Variants in KPNA1 observed in about 807,000 individuals in gnomAD.
The protein encoded by KPNA1 is karyopherin subunit alpha 1, also known as importin subunit alpha-5.
In KPNA1, 10 loss-of-function variants were observed where a neutral mutation model predicts 70.5. The ratio of observed to expected loss-of-function variants is 0.14; its 90% CI spans 0.09 to 0.24. The LOEUF (loss-of-function observed/expected upper bound fraction) is 0.24, where lower values mean the gene tolerates loss of function less well. Among genes scored for constraint, KPNA1 ranks in the 10% least tolerant of loss-of-function variants. The pLI is 1.00. For missense variants in KPNA1, 397 were observed against 637.9 expected, an observed-to-expected ratio of 0.62 and a Z score of 4.07; for synonymous variants, 192 against 221.9, an observed-to-expected ratio of 0.87 and a Z score of 1.20.
rs200913665 is a variant in KPNA1 at position 122,486,593 on chromosome 3, C to CTT, written c.129+9842_129+9843dup. Among the ~76,000 whole-genome samples the CTT allele has an allele frequency of 8.8e-5, 13 of 147,058 alleles. No individual in the cohort carries two copies. In the East Asian group the frequency reaches 9.9e-4, roughly 11 times the overall value. The stretch of plus-strand genomic sequence containing the variant: ...GTATCTATGTTAAAGTCTGTGCATT[C>CTT]TTTTTTTTTTTTGAGACGGAGTCTC... On this transcript the variant is annotated intron_variant, in intron 2 of 13. Transcript: ENST00000344337.
At chr3:122,487,748 C>T (rs755771053) in intron 2 of KPNA1, among the ~76,000 whole-genome samples, 6 of 151,976 alleles carry the variant, frequency 3.9e-5, no homozygotes, top group Non-Finnish European at 8.8e-5. Flanking sequence ...TTATCAGAAG[C>T]TGGGAAAGGA....
rs746838195 is a variant in KPNA1, at chr3:122,461,193, T to C, written c.432+31A>G. On this transcript the variant is annotated intron_variant, in intron 5 of 13. Coordinates refer to ENST00000344337, the MANE Select transcript of KPNA1 (RefSeq NM_002264.4). Reference sequence around the variant, plus strand: ...ATAAAAATTTTCAAAAGGAATTAAGTTATGAGGCAATAAATAAAAATTATT... The same window carrying C: ...ATAAAAATTTTCAAAAGGAATTAAGCTATGAGGCAATAAATAAAAATTATT... The C allele has an allele frequency of 2.2e-6, 3 of 1,369,196 alleles. No individual in the cohort carries two copies. In the South Asian group the frequency reaches 3.8e-5, roughly 17 times the overall value. The allele number at this position is 1,369,196 out of a possible 1,614,324, so 84.8% of individuals were successfully genotyped here. A position where few individuals can be genotyped will look rare whatever the true frequency, so the allele number is the denominator to read the frequency against.
chr3:122,504,978 C>G (rs73190173), intron 1 of KPNA1, among the ~76,000 whole-genome samples: 33,925 of 151,534 alleles, frequency 0.22, 4,207 homozygotes, highest in Non-Finnish European at 0.27. Flanking sequence ...CTGAAGCAGA[C>G]AGACACCTCT....
At chr3:122,457,832 G>A (rs2107741838) in intron 5 of KPNA1, 1 of 1,289,672 alleles carries the variant, frequency 7.8e-7, no homozygotes, top group Non-Finnish European at 1.0e-6. Flanking sequence ...CTGGTTCCTA[G>A]CAAATGCCAG....
chr3:122,477,913 C>T (rs555526906), intron 2 of KPNA1, among the ~76,000 whole-genome samples: 28 of 150,586 alleles, frequency 1.9e-4, no homozygotes, highest in Admixed American at 8.6e-4. Context: ...CCTGAAATCC[C>T]AGCACTTTGG....
chr3:122,489,049 T>C (rs185035853), intron 2 of KPNA1, among the ~76,000 whole-genome samples: 1,494 of 124,548 alleles, frequency 0.012, 23 homozygotes, highest in Non-Finnish European at 0.013. Context: ...TGTGGGTTTT[T>C]TTGCGTGCGT....
At chr3:122,509,054 T>C (rs1039744009) in intron 1 of KPNA1, among the ~76,000 whole-genome samples, 1 of 152,130 alleles carries the variant, frequency 6.6e-6, no homozygotes, top group Non-Finnish European at 1.5e-5. Flanking sequence ...AAGACCAGCC[T>C]GGCCAACATG....
intron 2 of KPNA1, among the ~76,000 whole-genome samples, chr3:122,480,356 G>A (rs776816489): frequency 2.0e-5 from 3 of 152,020 alleles, no homozygotes; most frequent in African/African-American, 7.2e-5. Flanking sequence ...TGACAATGCC[G>A]GAGGCTATGC....
intron 1 of KPNA1, among the ~76,000 whole-genome samples, chr3:122,500,270 C>T (rs896923700): frequency 2.6e-5 from 4 of 151,808 alleles, no homozygotes; most frequent in African/African-American, 4.8e-5. Context: ...TATAGGCATG[C>T]ACCACCACGC....
At chr3:122,469,196 A>G (rs1202206494) in intron 2 of KPNA1, among the ~76,000 whole-genome samples, 1 of 152,182 alleles carries the variant, frequency 6.6e-6, no homozygotes, top group Non-Finnish European at 1.5e-5. Flanking sequence ...AAAGGCTGGA[A>G]TCTAACAAAA....
Position 122,449,599 on chromosome 3 carries a change from A to G in KPNA1, c.892T>C (p.Cys298Arg). The change falls in exon 9 of 14, where the codon TGT becomes CGT. Residue 298 changes from cysteine to arginine, a missense_variant. Transcript: ENST00000344337. ...ATCAGCAGTTCCACAAGTCTCCTAC[A>G]TACTCCCGCATCGATGACCGCTTGA... The part of the protein sequence containing the change: ...KIQAVIDAGV[C>R]RRLVELLMHN... 6.2e-7 allele frequency: 1 copy of G among 1,613,572 alleles called. No individual in the cohort carries two copies. The highest frequency in any genetic ancestry group is 8.5e-7 in the Non-Finnish European group (1 of 1,179,790).
intron 4 of KPNA1, among the ~76,000 whole-genome samples, chr3:122,463,118 G>A (rs1224777931): frequency 3.3e-5 from 5 of 152,118 alleles, no homozygotes; most frequent in South Asian, 2.1e-4. Flanking sequence ...TTGGGAGGCC[G>A]AGGCAGGAGG....
At position 122,473,387 on chromosome 3, in the gene KPNA1, A is replaced by C. The variant is rs751900801; in HGVS notation, c.130-5958T>G. 6.3e-4 allele frequency among the ~76,000 whole-genome samples: 96 copies of C among 152,252 alleles called. 1 individual carries two copies. The highest frequency in any genetic ancestry group is 3.2e-3 in the Middle Eastern group (1 of 316). ...CCTAACTCATTCAGTAGAGGCCAAC[A>C]TCAGAGTATTCCAAAACTTGACAAA... On this transcript the variant is annotated intron_variant, in intron 2 of 13. Coordinates refer to ENST00000344337, the MANE Select transcript of KPNA1 (RefSeq NM_002264.4).
intron 2 of KPNA1, among the ~76,000 whole-genome samples, chr3:122,478,577 C>T (rs952415767): frequency 3.3e-5 from 5 of 151,958 alleles, no homozygotes; most frequent in African/African-American, 1.2e-4. Flanking sequence ...CAAAAATTAG[C>T]TGGACATGTT....
chr3:122,478,527 G>C (rs1339498508), intron 2 of KPNA1, among the ~76,000 whole-genome samples: 2 of 150,216 alleles, frequency 1.3e-5, no homozygotes, highest in African/African-American at 4.9e-5. Flanking sequence ...AAGACCACCA[G>C]CCTGGACAAC....
chr3:122,430,449 C>G (rs991746945), intron 12 of KPNA1, among the ~76,000 whole-genome samples: 22 of 151,678 alleles, frequency 1.5e-4, no homozygotes, highest in Admixed American at 5.3e-4. Context: ...CAATGTTTCT[C>G]TTAAAGTCAA....
At chr3:122,473,066 G>A (rs6773720) in intron 2 of KPNA1, among the ~76,000 whole-genome samples, 34,053 of 151,928 alleles carry the variant, frequency 0.22, 4,236 homozygotes, top group Non-Finnish European at 0.27. Context: ...AGGTAACAGC[G>A]AGACTCTGTC....
chr3:122,482,845 T>G (rs2076586739), intron 2 of KPNA1: 1 of 152,174 alleles, frequency 6.6e-6, no homozygotes, highest in Non-Finnish European at 1.5e-5. Flanking sequence ...AAAGATGACC[T>G]AACCCCCGCA....
intron 3 of KPNA1, among the ~76,000 whole-genome samples, chr3:122,465,075 T>C (rs2076365280): frequency 6.6e-6 from 1 of 152,234 alleles, no homozygotes; most frequent in African/African-American, 2.4e-5. Context: ...TCTCATCCTC[T>C]TATAGCAAGC....
Sources: gnomAD v4.1 joint callset for allele counts (sites outside exome capture counted in the v4.1 genomes callset) on GRCh38, gnomAD v4.1.1 for gene constraint, MANE v1.5 for transcripts, NCBI Gene and HGNC (gene_info 2026-07-23, HGNC 2026-07-21) for gene names.